Variants in ATP10B observed in about 807,000 individuals in gnomAD.
The protein encoded by ATP10B is phospholipid-transporting ATPase VB.
A neutral mutation model predicts 141.2 loss-of-function variants in ATP10B; 122 were observed. The ratio of observed to expected loss-of-function variants is 0.86; its 90% confidence interval spans 0.75 to 1.00. The LOEUF (loss-of-function observed/expected upper bound fraction) is 1.00. Ranked by LOEUF, ATP10B falls within the 50% of genes least tolerant of loss-of-function variation. The pLI is 0.00. For missense variants in ATP10B, 1,876 were observed against 1,825.3 expected (o/e 1.03, Z -0.51); for synonymous variants, 685 against 692.0 (o/e 0.99, Z 0.16).
chr5:160,880,242 A>C, the ATP10B span, among the ~76,000 whole-genome samples: 1 of 141,778 alleles, frequency 7.1e-6, no homozygotes, highest in Admixed American at 7.2e-5. Context: ...AAATATTTTT[A>C]TATATTATAT....
Position 160,816,440 on chromosome 5 carries a change from T to A in ATP10B, c.-575-30637A>T, listed in dbSNP as rs867193692. On this transcript the variant is annotated intron_variant, in intron 1 of 25. Transcript: ENST00000327245. ...ATTCCTGGACACATACACCCTCCCA[T>A]GACTAAACCAGGAAGAAGTTGAATC... is the stretch of plus-strand genomic sequence containing the variant. 6.8e-3 allele frequency among the ~76,000 whole-genome samples: 1,035 copies of A among 151,952 alleles called. 17 individuals carry two copies. The highest frequency in any genetic ancestry group is 0.024 in the African/African-American group (977 of 41,440).
chr5:160,921,940 A>G, the ATP10B span, among the ~76,000 whole-genome samples: 1 of 152,234 alleles, frequency 6.6e-6, no homozygotes, highest in Non-Finnish European at 1.5e-5. Flanking sequence ...CTCATCCTTA[A>G]TGGAATGGCA....
intron 21 of ATP10B, among the ~76,000 whole-genome samples, chr5:160,601,699 T>C (rs1306892930): frequency 1.3e-5 from 2 of 152,346 alleles, no homozygotes. Flanking sequence ...AGAATTATAG[T>C]TTCCCCATAT....
the ATP10B span, among the ~76,000 whole-genome samples, chr5:160,876,902 C>A: frequency 1.4e-5 from 2 of 140,780 alleles, no homozygotes; most frequent in Non-Finnish European, 3.2e-5. Context: ...AATAGTTTAC[C>A]AACCAAAAAG....
chr5:160,717,892 A>G (rs933409068), intron 2 of ATP10B, among the ~76,000 whole-genome samples: 7 of 152,112 alleles, frequency 4.6e-5, no homozygotes, highest in African/African-American at 7.2e-5. Flanking sequence ...GCTCTCTGGT[A>G]TGTACCCAAA....
chr5:160,625,633 AAC>A (rs1661890420), intron 13 of ATP10B, among the ~76,000 whole-genome samples: 1 of 152,208 alleles, frequency 6.6e-6, no homozygotes, highest in South Asian at 2.1e-4. Context: ...ATCCTCTTAT[AAC>A]ACACTGCTTT....
chr5:160,862,556 T>C, the ATP10B span, among the ~76,000 whole-genome samples: 9 of 151,980 alleles, frequency 5.9e-5, no homozygotes, highest in African/African-American at 2.2e-4. Flanking sequence ...TGAGAATCGC[T>C]GGTATACAGT....
chr5:160,876,532 A>G, the ATP10B span, among the ~76,000 whole-genome samples: 2 of 147,536 alleles, frequency 1.4e-5, no homozygotes, highest in Non-Finnish European at 3.0e-5. Flanking sequence ...AAATAACTAA[A>G]ATCAGAGCAG....
At chr5:160,647,946 A>AC (rs746044351) in intron 8 of ATP10B, among the ~76,000 whole-genome samples, 9 of 152,330 alleles carry the variant, frequency 5.9e-5, no homozygotes, top group Non-Finnish European at 1.0e-4. Context: ...GAAAGCAAAG[A>AC]CAACTGCATT....
At chr5:160,904,303 C>T in the ATP10B span, among the ~76,000 whole-genome samples, 1 of 152,118 alleles carries the variant, frequency 6.6e-6, no homozygotes, top group Admixed American at 6.6e-5. Flanking sequence ...TCTCTTTGAG[C>T]CTCATATCCT....
intron 2 of ATP10B, among the ~76,000 whole-genome samples, chr5:160,718,301 A>C (rs1366728391): frequency 1.3e-5 from 2 of 152,114 alleles, no homozygotes; most frequent in Non-Finnish European, 2.9e-5. Flanking sequence ...AGGGTGTGTG[A>C]CTGGATTTTA....
At chr5:160,773,755 C>T (rs190267471) in intron 2 of ATP10B, among the ~76,000 whole-genome samples, 7 of 152,256 alleles carry the variant, frequency 4.6e-5, no homozygotes, top group Admixed American at 4.6e-4. Context: ...GCACCAGAAA[C>T]ATCCCACCTC....
At chr5:160,671,758 A>G (rs1301868996) in intron 6 of ATP10B, among the ~76,000 whole-genome samples, 1 of 152,180 alleles carries the variant, frequency 6.6e-6, no homozygotes, top group Non-Finnish European at 1.5e-5. Context: ...AACCCACAGG[A>G]GTAGATATTA....
At chr5:160,686,793 T>C (rs12652638) in intron 5 of ATP10B, 157,079 of 248,496 alleles carry the variant, frequency 0.63, 51,544 homozygotes, top group Middle Eastern at 0.72. Flanking sequence ...ATTACATGAT[T>C]TATAATATTT....
chr5:160,924,508 T>C, the ATP10B span, among the ~76,000 whole-genome samples: 1 of 152,226 alleles, frequency 6.6e-6, no homozygotes, highest in Non-Finnish European at 1.5e-5. Context: ...GGGAAGCACC[T>C]GAGAGCCTTG....
chr5:160,827,094 C>CCT (rs1389754815), intron 1 of ATP10B, among the ~76,000 whole-genome samples: 1 of 152,120 alleles, frequency 6.6e-6, no homozygotes, highest in Non-Finnish European at 1.5e-5. Flanking sequence ...TCCTACACCC[C>CCT]CTCCCCTTTT....
At chr5:160,796,784 G>C (rs1771976986) in intron 1 of ATP10B, among the ~76,000 whole-genome samples, 1 of 152,172 alleles carries the variant, frequency 6.6e-6, no homozygotes, top group Non-Finnish European at 1.5e-5. Flanking sequence ...TCCTCACACA[G>C]GTACCTCCCA....
intron 7 of ATP10B, among the ~76,000 whole-genome samples, chr5:160,663,768 A>G (rs1762136548): frequency 8.0e-6 from 1 of 125,782 alleles, no homozygotes; most frequent in Non-Finnish European, 1.7e-5. Flanking sequence ...GTGCACATGT[A>G]TCCTAAAACT....
At chr5:160,797,495 G>A (rs552327301) in intron 1 of ATP10B, among the ~76,000 whole-genome samples, 1 of 152,066 alleles carries the variant, frequency 6.6e-6, no homozygotes, top group African/African-American at 2.4e-5. Flanking sequence ...TTCCACTGCC[G>A]ATCTTGCCTC....
Sources: allele counts gnomAD v4.1 joint callset (sites outside exome capture counted in the v4.1 genomes callset), GRCh38; gene constraint gnomAD v4.1.1; transcripts MANE v1.5; gene names NCBI Gene and HGNC (gene_info 2026-07-23, HGNC 2026-07-21).